Variants in PCDHGB3 observed in about 807,000 individuals in gnomAD.
The protein encoded by PCDHGB3 is protocadherin gamma subfamily B, 3.
Under a neutral mutation model 59.2 loss-of-function variants are expected in PCDHGB3, and 40 were observed. The ratio of observed to expected loss-of-function variants is 0.68; its 90% CI spans 0.52 to 0.88. The LOEUF is 0.88. Among genes scored for constraint, PCDHGB3 ranks in the 40% least tolerant of loss-of-function variants. The pLI, the probability that PCDHGB3 is intolerant of heterozygous loss-of-function variation, is 0.00. For synonymous variants in PCDHGB3, 581 were observed against 503.6 expected, an observed-to-expected ratio of 1.15 and a Z score of -2.06; for missense variants, 1,309 against 1,187.9, an observed-to-expected ratio of 1.10 and a Z score of -1.50.
intron 1 of PCDHGB3, chr5:141,410,320 C>G (rs752279818): frequency 8.1e-6 from 13 of 1,613,880 alleles, no homozygotes; most frequent in African/African-American, 2.7e-5. Context: ...TCCTCCTCGC[C>G]GTGATTCTGG....
intron 1 of PCDHGB3, chr5:141,427,201 A>G (rs1272966114): frequency 4.4e-6 from 2 of 456,618 alleles, no homozygotes; most frequent in African/African-American, 4.0e-5. Flanking sequence ...GACTTAATAG[A>G]CTTCGAATTT....
chr5:141,445,545 A>G (rs1422837499), intron 1 of PCDHGB3, among the ~76,000 whole-genome samples: 2 of 152,256 alleles, frequency 1.3e-5, no homozygotes, highest in Non-Finnish European at 2.9e-5. Context: ...AAGGAGAAAT[A>G]CAAAAGCACT....
chr5:141,478,271 A>G, intron 1 of PCDHGB3: 1 of 1,614,170 alleles, frequency 6.2e-7, no homozygotes, highest in Non-Finnish European at 8.5e-7. Flanking sequence ...CAAAGTTTAC[A>G]AGTGGAAGCA....
In PCDHGB3 at chr5:141,493,511, T is replaced by G. The variant is rs1203329648; in HGVS notation, c.2416-1296T>G. Among the ~76,000 whole-genome samples the G allele has an allele frequency of 6.6e-6, 1 of 152,094 alleles. No individual in the cohort carries two copies. Reference sequence around the variant, plus strand: ...TCTGTGGCTCCTCATTTCTGAGCAGTCCCCGCAGCGCAAACTTGGCCAGTT... The same window carrying G: ...TCTGTGGCTCCTCATTTCTGAGCAGGCCCCGCAGCGCAAACTTGGCCAGTT... On this transcript the variant is annotated intron_variant, in intron 1 of 3. Coordinates refer to ENST00000576222, the MANE Select transcript of PCDHGB3 (RefSeq NM_018924.5). This position sits in a 1 kb window ranked among gnomAD's most constrained non-coding sequence, Gnocchi z 4.3.
At chr5:141,403,524 A>T in intron 1 of PCDHGB3, 1 of 1,613,890 alleles carries the variant, frequency 6.2e-7, no homozygotes. Context: ...GGAGCCATAA[A>T]CCCAGAGCTG....
At position 141,486,837 on chromosome 5, in the gene PCDHGB3, T is replaced by G; in HGVS notation, c.2416-7970T>G. The G allele has an allele frequency of 6.2e-7, 1 of 1,614,256 alleles. No individual in the cohort carries two copies. The highest frequency in any genetic ancestry group is 8.5e-7 in the Non-Finnish European group (1 of 1,180,044). ...AGCACTGTAACAGTTCGTCTATTTG[T>G]GCTGGACCTCAATGACAATGCTCCA... On this transcript the variant is annotated intron_variant, in intron 1 of 3. Transcript: ENST00000576222. The surrounding 1 kb of genome is among the most constrained non-coding windows in gnomAD (Gnocchi z 5.0).
chr5:141,407,938 GC>G, intron 1 of PCDHGB3: 1 of 510,154 alleles, frequency 2.0e-6, no homozygotes, highest in Non-Finnish European at 3.3e-6. Context: ...GCCTCTGGGC[GC>G]CGCTGTCGGC....
At chr5:141,433,085 G>A in intron 1 of PCDHGB3, 1 of 1,614,170 alleles carries the variant, frequency 6.2e-7, no homozygotes, top group Non-Finnish European at 8.5e-7. Flanking sequence ...GCCCAACTAT[G>A]CAGACATGCT....
rs2094308599 is a variant in PCDHGB3 at position 141,402,798 on chromosome 5, C to T, written c.2415+29989C>T. ...TTTCCAGTTCTGCGGCTACACAAAA[C>T]CCGGCAGATACCACAAACCTGCTCC... On this transcript the variant is annotated intron_variant, in intron 1 of 3. Transcript: ENST00000576222. 7.6e-6 allele frequency: 8 copies of T among 1,054,376 alleles called. No individual in the cohort carries two copies. The South Asian group carries it at 1.6e-4, about 20-fold the overall frequency. The allele number at this position is 1,054,376 out of a possible 1,614,324, so 65.3% of individuals were successfully genotyped here. A position where few individuals can be genotyped will look rare whatever the true frequency, so the allele number is the denominator to read the frequency against.
intron 1 of PCDHGB3, chr5:141,422,736 C>T (rs1408210168): frequency 9.9e-6 from 16 of 1,608,328 alleles, no homozygotes; most frequent in Non-Finnish European, 1.2e-5. Context: ...TGCCTCTGTC[C>T]TCCTATGTCT....
At position 141,477,751 on chromosome 5, in the gene PCDHGB3, G is replaced by T; in HGVS notation, c.2416-17056G>T. 1.2e-6 allele frequency: 2 copies of T among 1,613,830 alleles called. No homozygotes were observed. Among genetic ancestry groups the T allele is most frequent in the Non-Finnish European group, 1.7e-6 (2 of 1,180,022 alleles). On this transcript the variant is annotated intron_variant, in intron 1 of 3. Coordinates refer to ENST00000576222, the MANE Select transcript of PCDHGB3 (RefSeq NM_018924.5). This position sits in a 1 kb window ranked among gnomAD's most constrained non-coding sequence, Gnocchi z 4.9. ...CTCATATCAGCGATGGGGGCACCCC[G>T]GTCCTAGCCACCAACATCAGCGTGA...
intron 1 of PCDHGB3, chr5:141,385,279 T>C (rs1781077881): frequency 1.2e-6 from 2 of 1,613,486 alleles, no homozygotes; most frequent in African/African-American, 2.7e-5. Flanking sequence ...TTTGCTAACA[T>C]CCGTAGATTT....
chr5:141,394,380 G>A (rs867131974), intron 1 of PCDHGB3: 2 of 1,614,196 alleles, frequency 1.2e-6, no homozygotes, highest in Non-Finnish European at 1.7e-6. Context: ...TTTCGACTAT[G>A]AGCAGATCCG....
rs2099687792 is a variant in PCDHGB3, at chr5:141,489,485, G to GT, written c.2416-5321dup. Reference sequence around the variant, plus strand: ...TATTTTTCCCTGAGCTTGATGAGTGGTGCCCTGGCAGTGAATCAAAAGATT... The same window carrying GT: ...TATTTTTCCCTGAGCTTGATGAGTGGTTGCCCTGGCAGTGAATCAAAAGATT... On this transcript the variant is annotated intron_variant, in intron 1 of 3. Coordinates refer to ENST00000576222, the MANE Select transcript of PCDHGB3 (RefSeq NM_018924.5). This position sits in a 1 kb window ranked among gnomAD's most constrained non-coding sequence, Gnocchi z 4.5. The GT allele has an allele frequency of 6.2e-7, 1 of 1,614,088 alleles. No individual in the cohort carries two copies. The highest frequency in any genetic ancestry group is 2.2e-5 in the East Asian group (1 of 44,868).
At position 141,493,666 on chromosome 5, in the gene PCDHGB3, C is replaced by T. The variant is rs1475584876; in HGVS notation, c.2416-1141C>T. On this transcript the variant is annotated intron_variant, in intron 1 of 3. Transcript: ENST00000576222. The surrounding 1 kb of genome is among the most constrained non-coding windows in gnomAD (Gnocchi z 4.3). ...GCCATCCCTGTGCCCTTCTCCATGG[C>T]AGCCCCAGAATGGTGCTGGTGACTC... 6.6e-6 allele frequency among the ~76,000 whole-genome samples: 1 copy of T among 152,176 alleles called. No individual in the cohort carries two copies. The highest frequency in any genetic ancestry group is 1.5e-5 in the Non-Finnish European group (1 of 68,028).
At chr5:141,404,692 C>G (rs543452623) in intron 1 of PCDHGB3, 2 of 1,614,080 alleles carry the variant, frequency 1.2e-6, no homozygotes, top group South Asian at 2.2e-5. Context: ...TGGCACCCCG[C>G]TCTGCAGAGC....
intron 1 of PCDHGB3, among the ~76,000 whole-genome samples, chr5:141,479,135 G>C (rs1236040845): frequency 6.6e-6 from 1 of 152,126 alleles, no homozygotes; most frequent in East Asian, 1.9e-4. Flanking sequence ...TGTGCACCCT[G>C]CTTACAAAAT....
intron 1 of PCDHGB3, among the ~76,000 whole-genome samples, chr5:141,468,041 T>C (rs972340736): frequency 4.6e-5 from 7 of 152,120 alleles, no homozygotes; most frequent in Admixed American, 3.9e-4. Flanking sequence ...TTTAGAAAAC[T>C]AAGCCGGGCA....
chr5:141,394,427 G>A (rs748527281), intron 1 of PCDHGB3: 23 of 1,614,228 alleles, frequency 1.4e-5, no homozygotes, highest in Non-Finnish European at 1.6e-5. Flanking sequence ...GCGACAGCGG[G>A]GACCCGCCCC....
Sources: allele counts gnomAD v4.1 joint callset (sites outside exome capture counted in the v4.1 genomes callset), GRCh38; gene constraint gnomAD v4.1.1; non-coding constraint Gnocchi (gnomAD v3.1); transcripts MANE v1.5; gene names NCBI Gene and HGNC (gene_info 2026-07-23, HGNC 2026-07-21).